Variants in ALG9 observed in about 807,000 individuals in gnomAD.
ALG9 encodes ALG9 alpha-1,2-mannosyltransferase.
ALG9 carries 55 observed loss-of-function variants against 81.8 expected under a neutral mutation model. The observed-to-expected ratio is 0.67, with a 90% CI of 0.54 to 0.84. ALG9 has a LOEUF of 0.84. Among genes scored for constraint, ALG9 ranks in the 40% least tolerant of loss-of-function variants. ALG9 has a pLI of 0.00. For synonymous variants in ALG9, 278 were observed against 274.3 expected (o/e 1.01, Z -0.13); for missense variants, 629 against 745.0 (o/e 0.84, Z 1.81).
At chr11:111,804,428 T>TA (rs782006311) in intron 14 of ALG9, among the ~76,000 whole-genome samples, 5 of 152,042 alleles carry the variant, frequency 3.3e-5, no homozygotes, top group Non-Finnish European at 4.4e-5. Context: ...AGGGAACTCT[T>TA]AAAACTCAAC....
rs149239828 is a variant in ALG9, at chr11:111,847,463, G to GT, written c.896-2741dup. Among the ~76,000 whole-genome samples the GT allele has an allele frequency of 6.4e-3, 978 of 152,344 alleles. 10 individuals carry two copies. The highest frequency in any genetic ancestry group is 0.022 in the African/African-American group (912 of 41,576). ...ATTCACTGTTCTTTCTGAGGCAAGAGTATTTCCTGTAAGTGTATTCCCATG... is the reference window on the plus strand; with the variant it reads ...ATTCACTGTTCTTTCTGAGGCAAGAGTTATTTCCTGTAAGTGTATTCCCATG... On this transcript the variant is annotated intron_variant, in intron 8 of 14. Transcript: ENST00000616540.
chr11:111,842,143 C>T (rs1215115074), intron 9 of ALG9, among the ~76,000 whole-genome samples: 3 of 152,124 alleles, frequency 2.0e-5, no homozygotes, highest in East Asian at 1.9e-4. Flanking sequence ...GTGATCCACC[C>T]GCCTCGGCCT....
chr11:111,790,153 G>A (rs1947174173), intron 14 of ALG9, among the ~76,000 whole-genome samples: 1 of 152,130 alleles, frequency 6.6e-6, no homozygotes, highest in South Asian at 2.1e-4. Flanking sequence ...CCAACATGGT[G>A]AAACCCTGTC....
Position 111,784,830 on chromosome 11 carries a change from G to A in ALG9, c.*1567C>T. 6.6e-6 allele frequency: 1 copy of A among 152,152 alleles called. No individual in the cohort carries two copies. The highest frequency in any genetic ancestry group is 1.9e-4 in the East Asian group (1 of 5,196). The allele number at this position is 152,152 out of a possible 1,614,324, so 9.4% of individuals were successfully genotyped here. ...ATAAGGCACCTATAATGTGACCCCA[G>A]ATTGACTACAGGAATAGTACTGATA... On this transcript the variant is annotated 3_prime_UTR_variant, in exon 15 of 15. Coordinates refer to ENST00000616540, the MANE Select transcript of ALG9 (RefSeq NM_024740.2).
chr11:111,791,457 A>C (rs781956911), intron 14 of ALG9, among the ~76,000 whole-genome samples: 2 of 152,222 alleles, frequency 1.3e-5, no homozygotes, highest in Non-Finnish European at 2.9e-5. Flanking sequence ...TAAGCAGGAA[A>C]AGCAACTTGT....
Position 111,837,528 on chromosome 11 carries a change from A to G in ALG9, c.1412T>C (p.Val471Ala), listed in dbSNP as rs568193986. Reference sequence around the variant, plus strand: ...CCACTCTTTTCCCACACAGACATTCACAGGTCTGCCTTCTGGGACAGTGTG... The same window carrying G: ...CCACTCTTTTCCCACACAGACATTCGCAGGTCTGCCTTCTGGGACAGTGTG... Reference protein sequence around the residue: ...TIHTVPEGRPVNVCVGKEWYR... With the variant: ...TIHTVPEGRPANVCVGKEWYR... The change falls in exon 12 of 15, where the codon GTG (valine) becomes GCG (alanine). Residue 471 changes from valine (V) to alanine (A), a missense_variant. Around this residue, in one of 3 missense-constraint regions of ALG9, gnomAD observed 264 missense variants for 302.2 expected, o/e 0.87. Transcript: ENST00000616540. 6.2e-7 allele frequency: 1 copy of G among 1,614,124 alleles called. No individual in the cohort carries two copies. Among genetic ancestry groups the G allele is most frequent in the African/African-American group, 1.3e-5 (1 of 75,070 alleles).
At chr11:111,780,309 T>C (rs560129224), downstream of ALG9, among the ~76,000 whole-genome samples, 3 of 152,326 alleles carry the variant, frequency 2.0e-5, no homozygotes, top group South Asian at 6.2e-4. Context: ...TTCAGGAGAA[T>C]TGGCGAAATA....
chr11:111,813,522 A>G (rs1408842197), intron 13 of ALG9, among the ~76,000 whole-genome samples: 2 of 152,242 alleles, frequency 1.3e-5, no homozygotes, highest in African/African-American at 2.4e-5. Context: ...AGACTGCTTG[A>G]GCCCAGGAGG....
intron 13 of ALG9, among the ~76,000 whole-genome samples, chr11:111,831,229 C>G (rs147499075): frequency 6.6e-6 from 1 of 151,824 alleles, no homozygotes; most frequent in Non-Finnish European, 1.5e-5. Flanking sequence ...TTAGTAGAGA[C>G]GGGGTTTCAC....
chr11:111,837,565 C>G lies in ALG9; in HGVS notation c.1375G>C (p.Asp459His), dbSNP rs1339552169. 1.2e-6 allele frequency: 2 copies of G among 1,614,170 alleles called. No individual in the cohort carries two copies. Among genetic ancestry groups the G allele is most frequent in the Non-Finnish European group, 1.7e-6 (2 of 1,180,032 alleles). The change falls in exon 12 of 15, where the codon GAC (aspartate) becomes CAC (histidine). Residue 459 changes from aspartate (D) to histidine (H), a missense_variant. Asp to His is a moderately conservative substitution (Grantham distance 81). Around this residue, in one of 3 missense-constraint regions of ALG9, gnomAD observed 264 missense variants for 302.2 expected, o/e 0.87. Coordinates refer to ENST00000616540, the MANE Select transcript of ALG9 (RefSeq NM_024740.2). ...TCTGGGACAGTGTGGATGGTTGGGT[C>G]TGTAGCAATTCGGTAAAATTCTGGA... ...LYPEFYRIAT[D>H]PTIHTVPEGR...
At chr11:111,780,879 C>A (rs1945895056), downstream of ALG9, among the ~76,000 whole-genome samples, 1 of 152,164 alleles carries the variant, frequency 6.6e-6, no homozygotes, top group Non-Finnish European at 1.5e-5. Flanking sequence ...CTTTGCCCCT[C>A]ATATGCCAAC....
the ALG9 span, among the ~76,000 whole-genome samples, chr11:111,768,291 A>C: frequency 2.0e-5 from 3 of 152,230 alleles, no homozygotes; most frequent in Non-Finnish European, 4.4e-5. Context: ...AGCAAAATAC[A>C]TCATTTGTCA....
the ALG9 span, among the ~76,000 whole-genome samples, chr11:111,775,906 A>G: frequency 3.3e-5 from 5 of 152,148 alleles, no homozygotes; most frequent in Non-Finnish European, 5.9e-5. Flanking sequence ...TTGGGTTTGA[A>G]TTGCAGGTCT....
intron 13 of ALG9, among the ~76,000 whole-genome samples, chr11:111,820,947 C>CACACA (rs548465357): frequency 2.7e-5 from 4 of 146,924 alleles, no homozygotes; most frequent in Middle Eastern, 7.2e-3. Flanking sequence ...CACACACACA[C>CACACA]AAGCCAGGTA....
intron 11 of ALG9, 44 bp downstream of exon 11, chr11:111,838,205 A>T: frequency 6.2e-7 from 1 of 1,610,224 alleles, no homozygotes; most frequent in South Asian, 1.1e-5. Context: ...ACCTAAGAGC[A>T]AGTGACTCGT....
At chr11:111,770,355 A>G in the ALG9 span, among the ~76,000 whole-genome samples, 1 of 152,196 alleles carries the variant, frequency 6.6e-6, no homozygotes, top group African/African-American at 2.4e-5. Context: ...TTCCATGTCA[A>G]TAAACAAGCA....
rs143770512 is a variant in ALG9, at chr11:111,866,365, C to T, written c.406-1114G>A. Among the ~76,000 whole-genome samples the T allele has an allele frequency of 1.7e-3, 252 of 152,228 alleles. 3 individuals are homozygous for T. Among genetic ancestry groups the T allele is most frequent in the Admixed American group, 0.016 (243 of 15,286 alleles). ...TGAGTGTACACTTCAGAGAAATTCA[C>T]GAACAGGTCCATGAAGAGATAATAC... is the stretch of plus-strand genomic sequence containing the variant. On this transcript the variant is annotated intron_variant, in intron 3 of 14. Transcript: ENST00000616540.
chr11:111,838,746 G>A (rs1555120390), intron 10 of ALG9, among the ~76,000 whole-genome samples: 2 of 151,942 alleles, frequency 1.3e-5, no homozygotes, highest in East Asian at 3.9e-4. Context: ...GATATAATGA[G>A]TACTAATCTT....
chr11:111,850,706 C>CAAAAAAAAAA (rs782114013), intron 8 of ALG9, among the ~76,000 whole-genome samples: 38 of 66,576 alleles, frequency 5.7e-4, no homozygotes, highest in East Asian at 1.4e-3. Context: ...GATACTGTCT[C>CAAAAAAAAAA]AAAAAAAAAA....
Sources: allele counts gnomAD v4.1 joint callset (sites outside exome capture counted in the v4.1 genomes callset), GRCh38; gene constraint gnomAD v4.1.1; regional missense constraint gnomAD v4.1.1; transcripts MANE v1.5; gene names NCBI Gene and HGNC (gene_info 2026-07-23, HGNC 2026-07-21).